The following CSNK2A2IP variants were observed in gnomAD, a reference collection of about 807,000 sequenced individuals.
CSNK2A2IP encodes casein kinase II subunit alpha'-interacting protein.
the CSNK2A2IP span, among the ~76,000 whole-genome samples, chr3:88,404,316 A>G: frequency 1.3e-5 from 2 of 152,138 alleles, no homozygotes; most frequent in African/African-American, 4.8e-5. Context: ...CCAACCCCGC[A>G]AAATAAAAGG....
the CSNK2A2IP span, among the ~76,000 whole-genome samples, chr3:88,350,028 G>A: frequency 6.6e-6 from 1 of 151,958 alleles, no homozygotes; most frequent in Non-Finnish European, 1.5e-5. Context: ...GCACCTTCTT[G>A]TCACCACTGC....
At chr3:88,353,810 T>C in the CSNK2A2IP span, among the ~76,000 whole-genome samples, 2 of 152,178 alleles carry the variant, frequency 1.3e-5, no homozygotes, top group Non-Finnish European at 2.9e-5. Flanking sequence ...GAGCCTTGAG[T>C]TGAAATCTTG....
At chr3:88,391,901 G>A in the CSNK2A2IP span, among the ~76,000 whole-genome samples, 2 of 152,162 alleles carry the variant, frequency 1.3e-5, no homozygotes, top group African/African-American at 4.8e-5. Context: ...TCTGAAATTA[G>A]ATAATGAGGT....
At chr3:88,379,234 T>C in the CSNK2A2IP span, among the ~76,000 whole-genome samples, 1 of 152,006 alleles carries the variant, frequency 6.6e-6, no homozygotes, top group African/African-American at 2.4e-5. Flanking sequence ...GCACAGACCT[T>C]TGTGACATTT....
chr3:88,454,106 C>T, the CSNK2A2IP span, among the ~76,000 whole-genome samples: 2,222 of 151,996 alleles, frequency 0.015, 46 homozygotes, highest in Middle Eastern at 0.048. Context: ...GTTTGGTCAA[C>T]CTTTTAAATT....
At chr3:88,408,837 TG>T in the CSNK2A2IP span, among the ~76,000 whole-genome samples, 1 of 151,614 alleles carries the variant, frequency 6.6e-6, no homozygotes, top group African/African-American at 2.4e-5. Flanking sequence ...TTTGTTTTAA[TG>T]TTTTTTTTTT....
the CSNK2A2IP span, among the ~76,000 whole-genome samples, chr3:88,401,611 G>A: frequency 6.6e-6 from 1 of 152,016 alleles, no homozygotes; most frequent in East Asian, 1.9e-4. Context: ...AGAAAGATAG[G>A]TTTATTAGGA....
the CSNK2A2IP span, among the ~76,000 whole-genome samples, chr3:88,459,613 G>T: frequency 6.6e-6 from 1 of 152,022 alleles, no homozygotes; most frequent in Non-Finnish European, 1.5e-5. Flanking sequence ...AGTAGTGATA[G>T]TAAATATGCT....
At chr3:88,389,314 G>A in the CSNK2A2IP span, among the ~76,000 whole-genome samples, 1 of 152,166 alleles carries the variant, frequency 6.6e-6, no homozygotes, top group East Asian at 1.9e-4. Context: ...GCTTCATCAG[G>A]AGGAAGATTA....
At chr3:88,450,689 A>C in the CSNK2A2IP span, among the ~76,000 whole-genome samples, 1 of 151,818 alleles carries the variant, frequency 6.6e-6, no homozygotes, top group Non-Finnish European at 1.5e-5. Flanking sequence ...TTTGTTTTTA[A>C]TTATTATTAT....
chr3:88,375,376 G>A, the CSNK2A2IP span, among the ~76,000 whole-genome samples: 2 of 151,776 alleles, frequency 1.3e-5, no homozygotes, highest in Non-Finnish European at 2.9e-5. Context: ...AGAAGGGAAG[G>A]GAATTTGGTA....
the CSNK2A2IP span, among the ~76,000 whole-genome samples, chr3:88,406,763 T>C: frequency 6.6e-6 from 1 of 152,350 alleles, no homozygotes; most frequent in Admixed American, 6.5e-5. Context: ...AAATTCTTTA[T>C]TTTTGTTGGT....
chr3:88,341,907 T>C, the CSNK2A2IP span, among the ~76,000 whole-genome samples: 1 of 152,020 alleles, frequency 6.6e-6, no homozygotes, highest in Admixed American at 6.6e-5. Context: ...GATGTGTTTT[T>C]ACTTAGTGTT....
At chr3:88,391,256 G>T in the CSNK2A2IP span, among the ~76,000 whole-genome samples, 1 of 152,068 alleles carries the variant, frequency 6.6e-6, no homozygotes, top group African/African-American at 2.4e-5. Flanking sequence ...CCATTCTTGA[G>T]GATAGTTTTT....
chr3:88,421,323 A>C, the CSNK2A2IP span, among the ~76,000 whole-genome samples: 3 of 152,010 alleles, frequency 2.0e-5, no homozygotes, highest in South Asian at 6.2e-4. Context: ...TTCCCCCATA[A>C]CTCCACAAGG....
chr3:88,414,342 C>A, the CSNK2A2IP span, among the ~76,000 whole-genome samples: 1 of 117,462 alleles, frequency 8.5e-6, no homozygotes, highest in Non-Finnish European at 1.6e-5. Context: ...GAGTGAAAAG[C>A]CTTGACCTCT....
the CSNK2A2IP span, among the ~76,000 whole-genome samples, chr3:88,340,810 G>A: frequency 6.6e-6 from 1 of 151,870 alleles, no homozygotes; most frequent in Non-Finnish European, 1.5e-5. Context: ...ATACTTAATT[G>A]ATAGTGTTCA....
chr3:88,369,077 AAAG>A, the CSNK2A2IP span, among the ~76,000 whole-genome samples: 1 of 152,040 alleles, frequency 6.6e-6, no homozygotes, highest in Non-Finnish European at 1.5e-5. Flanking sequence ...TTCATGGCAA[AAAG>A]AAGGACATGA....
chr3:88,453,858 G>A, the CSNK2A2IP span, among the ~76,000 whole-genome samples: 2 of 152,040 alleles, frequency 1.3e-5, no homozygotes, highest in Non-Finnish European at 2.9e-5. Context: ...ATGGATAGTA[G>A]ATTGATTACA....
Sources: gnomAD v4.1 joint callset for allele counts (sites outside exome capture counted in the v4.1 genomes callset) on GRCh38, gnomAD v4.1.1 for gene constraint, MANE v1.5 for transcripts, NCBI Gene and HGNC (gene_info 2026-07-23, HGNC 2026-07-21) for gene names.